The following PREP variants were observed in gnomAD, a reference collection of about 807,000 sequenced individuals.
The protein encoded by PREP is dJ355L5.1 (prolyl endopeptidase).
In PREP, 29 loss-of-function variants were observed where a neutral mutation model predicts 87.6. The ratio of observed to expected loss-of-function variants is 0.33; its 90% CI spans 0.25 to 0.45. The LOEUF (loss-of-function observed/expected upper bound fraction) is 0.45, where lower values mean the gene tolerates loss of function less well. PREP is among the 20% of genes least tolerant of loss of function. The pLI is 1.00. For synonymous variants in PREP, 337 were observed against 328.6 expected, an observed-to-expected ratio of 1.03 and a Z score of -0.28; for missense variants, 695 against 886.5, an observed-to-expected ratio of 0.78 and a Z score of 2.74.
chr6:105,360,438 G>A (rs1363858726), intron 6 of PREP, among the ~76,000 whole-genome samples: 1 of 152,164 alleles, frequency 6.6e-6, no homozygotes, highest in Non-Finnish European at 1.5e-5. Flanking sequence ...CCCAGTAACA[G>A]CTATCATTCT....
chr6:105,303,098 T>G (rs779824921), intron 10 of PREP, among the ~76,000 whole-genome samples: 11 of 151,934 alleles, frequency 7.2e-5, no homozygotes, highest in Non-Finnish European at 1.2e-4. Flanking sequence ...CTCCATTCTC[T>G]ACAAAATGAA....
chr6:105,334,738 C>CAACA (rs752810216), intron 7 of PREP, among the ~76,000 whole-genome samples: 10 of 152,074 alleles, frequency 6.6e-5, no homozygotes, highest in African/African-American at 2.2e-4. Context: ...ACAACAACAA[C>CAACA]AGAGATGCGG....
intron 1 of PREP, among the ~76,000 whole-genome samples, chr6:105,402,163 G>C (rs565826642): frequency 1.3e-5 from 2 of 152,042 alleles, no homozygotes; most frequent in Non-Finnish European, 2.9e-5. Flanking sequence ...TCCCTTCTAA[G>C]ACCTCCTCTC....
intron 10 of PREP, chr6:105,322,374 A>G: frequency 1.1e-6 from 1 of 946,422 alleles, no homozygotes; most frequent in Non-Finnish European, 1.3e-6. Flanking sequence ...AGGAATCCTA[A>G]AAAACAGATA....
chr6:105,282,408 G>A, intron 13 of PREP, 43 bp downstream of exon 13: 1 of 1,589,636 alleles, frequency 6.3e-7, no homozygotes, highest in Non-Finnish European at 8.6e-7. Flanking sequence ...AAAACCCCAA[G>A]AGGGCTAACT....
At chr6:105,287,501 C>T (rs1002094246) in intron 11 of PREP, among the ~76,000 whole-genome samples, 9 of 152,290 alleles carry the variant, frequency 5.9e-5, no homozygotes, top group African/African-American at 1.4e-4. Flanking sequence ...GCCAGATATT[C>T]GAGGTCTACA....
At chr6:105,376,066 C>T in intron 4 of PREP, 59 bp downstream of exon 4, 1 of 1,565,394 alleles carries the variant, frequency 6.4e-7, no homozygotes. Context: ...ACTGCACTAA[C>T]TTCAGAGCTC....
In PREP at chr6:105,319,529, C is replaced by T. The variant is rs990052818; in HGVS notation, c.1317+4136G>A. Among the ~76,000 whole-genome samples, 21 of 152,238 alleles carry T rather than the reference C, an allele frequency of 1.4e-4. 1 individual carries two copies. The highest frequency in any genetic ancestry group is 5.1e-4 in the African/African-American group (21 of 41,464). On this transcript the variant is annotated intron_variant, in intron 10 of 14. Coordinates refer to ENST00000652536, the MANE Select transcript of PREP (RefSeq NM_002726.5). ...TACATTAAATTCCTTTGTGACACCA[C>T]ATTCAACCACAGTACACTATTCCAT...
At chr6:105,283,155 G>A (rs982986646) in intron 12 of PREP, among the ~76,000 whole-genome samples, 7 of 152,226 alleles carry the variant, frequency 4.6e-5, no homozygotes, top group Non-Finnish European at 4.4e-5. Context: ...GTTATTAATG[G>A]AAAGAACAAA....
chr6:105,380,635 G>A (rs1197690351), intron 2 of PREP, among the ~76,000 whole-genome samples: 1 of 152,130 alleles, frequency 6.6e-6, no homozygotes, highest in African/African-American at 2.4e-5. Flanking sequence ...AATGGGCACA[G>A]CACATGTTAG....
intron 6 of PREP, among the ~76,000 whole-genome samples, chr6:105,366,042 G>A (rs1772373738): frequency 6.6e-6 from 1 of 152,106 alleles, no homozygotes; most frequent in African/African-American, 2.4e-5. Flanking sequence ...ATGACCTGAG[G>A]TCAGGAGTTT....
intron 6 of PREP, among the ~76,000 whole-genome samples, chr6:105,366,470 G>C (rs1215633111): frequency 1.3e-5 from 2 of 152,182 alleles, no homozygotes; most frequent in African/African-American, 4.8e-5. Context: ...TCAGACTGTA[G>C]TAAAGATTAT....
intron 10 of PREP, among the ~76,000 whole-genome samples, chr6:105,297,735 G>A (rs1422505107): frequency 6.6e-6 from 1 of 152,182 alleles, no homozygotes; most frequent in Non-Finnish European, 1.5e-5. Context: ...CATCATGTGA[G>A]GCACACAGAG....
chr6:105,338,454 A>C (rs1771535583), intron 7 of PREP, among the ~76,000 whole-genome samples: 1 of 152,236 alleles, frequency 6.6e-6, no homozygotes, highest in Non-Finnish European at 1.5e-5. Context: ...GAACAGCTCC[A>C]ATCTACAGCT....
Position 105,397,947 on chromosome 6 carries a change from GTAT to G in PREP, c.46-23_46-21del. ...CTGTACCTGTAAAAAACAAAATGAG[GTAT>G]TAGATAATTACTCTCTAACCCCAAT... On this transcript the variant is annotated intron_variant, in intron 1 of 14. Coordinates refer to ENST00000652536, the MANE Select transcript of PREP (RefSeq NM_002726.5). The G allele has an allele frequency of 6.5e-7, 1 of 1,547,038 alleles. No homozygotes were observed. The highest frequency in any genetic ancestry group is 1.4e-5 in the African/African-American group (1 of 73,472).
chr6:105,274,808 T>A lies in PREP; in HGVS notation c.*3336A>T, dbSNP rs1231407141. Among the ~76,000 whole-genome samples the A allele has an allele frequency of 6.6e-6, 1 of 152,144 alleles. No individual in the cohort carries two copies. On this transcript the variant is annotated 3_prime_UTR_variant, in exon 15 of 15. Transcript: ENST00000652536. ...GTATCCAAGGCCCAGCTCCTGGGGT[T>A]ACTGCCCTGCCTGCCCACCTCCTGG...
intron 6 of PREP, among the ~76,000 whole-genome samples, chr6:105,368,240 A>C (rs1054953769): frequency 6.6e-5 from 10 of 152,314 alleles, no homozygotes; most frequent in Non-Finnish European, 1.3e-4. Context: ...ATGCTTCTCT[A>C]ACAAGAAGTA....
In PREP at chr6:105,369,948, C is replaced by T. The variant is rs552181685; in HGVS notation, c.596-924G>A. ...CCACATTATATATCATTAGGGAAAT[C>T]CAAATTAAAACAATCAGATATGGTC... is the stretch of plus-strand genomic sequence containing the variant. On this transcript the variant is annotated intron_variant, in intron 5 of 14. Coordinates refer to ENST00000652536, the MANE Select transcript of PREP (RefSeq NM_002726.5). Among the ~76,000 whole-genome samples, 9 of 152,096 alleles carry T rather than the reference C, an allele frequency of 5.9e-5. No individual in the cohort carries two copies. The East Asian group carries it at 1.7e-3, about 29-fold the overall frequency.
intron 6 of PREP, among the ~76,000 whole-genome samples, chr6:105,362,037 A>G (rs1054148869): frequency 2.0e-5 from 3 of 152,254 alleles, no homozygotes; most frequent in African/African-American, 4.8e-5. Context: ...CCAGAAACTG[A>G]TAAAACAGAA....
Sources: allele counts gnomAD v4.1 joint callset (sites outside exome capture counted in the v4.1 genomes callset), GRCh38; gene constraint gnomAD v4.1.1; transcripts MANE v1.5; gene names NCBI Gene and HGNC (gene_info 2026-07-23, HGNC 2026-07-21).